The following LPP variants were observed in gnomAD, a reference collection of about 807,000 sequenced individuals.
LPP encodes the protein LIM domain containing preferred translocation partner in lipoma, also known as lipoma-preferred partner.
A neutral mutation model predicts 60.4 loss-of-function variants in LPP; 38 were observed. That is an observed-to-expected ratio of 0.63 (90% CI 0.49 to 0.83). The LOEUF is 0.83. Ranked by LOEUF, LPP falls within the 40% of genes least tolerant of loss-of-function variation. LPP has a pLI of 0.00. For missense variants in LPP, 902 were observed against 783.6 expected, an observed-to-expected ratio of 1.15 and a Z score of -1.80; for synonymous variants, 328 against 290.8, an observed-to-expected ratio of 1.13 and a Z score of -1.30.
chr3:188,363,052 A>G (rs566153816), intron 3 of LPP, among the ~76,000 whole-genome samples: 1 of 150,698 alleles, frequency 6.6e-6, no homozygotes, highest in South Asian at 2.1e-4. Flanking sequence ...TTTTTTTACA[A>G]CTGATGGGAA....
At chr3:188,818,003 C>G (rs1478230244) in intron 9 of LPP, among the ~76,000 whole-genome samples, 1 of 152,160 alleles carries the variant, frequency 6.6e-6, no homozygotes, top group African/African-American at 2.4e-5. Flanking sequence ...AGAGTGCAAG[C>G]ATGAGCAGAA....
At position 188,427,973 on chromosome 3, in the gene LPP, C is replaced by G. The variant is rs565567995; in HGVS notation, c.193+21660C>G. Among the ~76,000 whole-genome samples, 16 of 152,196 alleles carry G rather than the reference C, an allele frequency of 1.1e-4. 1 individual carries two copies. Among genetic ancestry groups the G allele is most frequent in the African/African-American group, 1.9e-4 (8 of 41,534 alleles). ...CCACTGGGGTATGAAAAAACAAAGT[C>G]CTGCAGCTAGCTCGGTGTCTGCCCA... On this transcript the variant is annotated intron_variant, in intron 4 of 11. Transcript: ENST00000617246.
intron 2 of LPP, among the ~76,000 whole-genome samples, chr3:188,241,005 A>C (rs1048132519): frequency 6.6e-6 from 1 of 152,180 alleles, no homozygotes; most frequent in Non-Finnish European, 1.5e-5. Flanking sequence ...CGGGGTATGT[A>C]TGCATAGTCT....
chr3:188,741,875 T>C (rs1724567537), intron 8 of LPP, among the ~76,000 whole-genome samples: 1 of 152,006 alleles, frequency 6.6e-6, no homozygotes, highest in African/African-American at 2.4e-5. Flanking sequence ...GGAGAAAATA[T>C]GTGTACAGTA....
chr3:188,472,677 G>A (rs1354253784), intron 4 of LPP: 1 of 152,150 alleles, frequency 6.6e-6, no homozygotes, highest in East Asian at 1.9e-4. Flanking sequence ...CTTGAAGCAA[G>A]AGAATGAGCC....
chr3:188,563,187 CAT>C (rs773823093), intron 6 of LPP, among the ~76,000 whole-genome samples: 3 of 152,082 alleles, frequency 2.0e-5, no homozygotes, highest in East Asian at 1.9e-4. Flanking sequence ...ACCAACCAAA[CAT>C]GTGTGCAGTA....
intron 7 of LPP, among the ~76,000 whole-genome samples, chr3:188,624,695 C>T (rs2151617635): frequency 6.7e-6 from 1 of 149,620 alleles, no homozygotes; most frequent in East Asian, 2.1e-4. Flanking sequence ...CCTTCCCTTC[C>T]CTTCCTTCCT....
chr3:188,328,848 G>C (rs1304948180), intron 2 of LPP, among the ~76,000 whole-genome samples: 1 of 152,068 alleles, frequency 6.6e-6, no homozygotes, highest in Admixed American at 6.6e-5. Context: ...GGTTTCTTTA[G>C]TAAAACCTAG....
intron 2 of LPP, among the ~76,000 whole-genome samples, chr3:188,320,615 G>A (rs1756649519): frequency 6.6e-6 from 1 of 152,216 alleles, no homozygotes; most frequent in African/African-American, 2.4e-5. Flanking sequence ...GCCATTCACT[G>A]TTCAGGACAG....
chr3:188,820,773 T>C (rs1753750186), intron 9 of LPP, among the ~76,000 whole-genome samples: 1 of 152,148 alleles, frequency 6.6e-6, no homozygotes. Context: ...TAACGTTAAC[T>C]CCGATAAGTC....
At chr3:188,780,604 G>T (rs749031084) in intron 9 of LPP, among the ~76,000 whole-genome samples, 16 of 152,276 alleles carry the variant, frequency 1.1e-4, no homozygotes, top group Admixed American at 2.0e-4. Flanking sequence ...TTTCTACTCA[G>T]TCTGGAATGT....
intron 2 of LPP, among the ~76,000 whole-genome samples, chr3:188,294,189 G>T (rs1435983133): frequency 6.6e-6 from 1 of 152,072 alleles, no homozygotes; most frequent in Admixed American, 6.6e-5. Context: ...TTGCCGGCAG[G>T]GTTGGGGTAG....
At chr3:188,458,139 C>G (rs1359033315) in intron 4 of LPP, among the ~76,000 whole-genome samples, 1 of 152,084 alleles carries the variant, frequency 6.6e-6, no homozygotes, top group Non-Finnish European at 1.5e-5. Flanking sequence ...AAATATGAAC[C>G]ACAGTGGTAC....
At chr3:188,340,165 G>C (rs1207946293) in intron 2 of LPP, among the ~76,000 whole-genome samples, 1 of 152,160 alleles carries the variant, frequency 6.6e-6, no homozygotes, top group Non-Finnish European at 1.5e-5. Context: ...AAGATACAGT[G>C]TTACATTTTT....
chr3:188,700,808 A>G (rs754911051), intron 7 of LPP, among the ~76,000 whole-genome samples: 12 of 152,220 alleles, frequency 7.9e-5, no homozygotes, highest in Non-Finnish European at 1.3e-4. Context: ...CTATTTTTAT[A>G]GACTACAAAG....
intron 6 of LPP, among the ~76,000 whole-genome samples, chr3:188,598,847 A>G (rs1026903065): frequency 2.6e-5 from 4 of 152,168 alleles, no homozygotes; most frequent in Non-Finnish European, 5.9e-5. Flanking sequence ...TACCAGTCAT[A>G]TAAAAACGCA....
intron 5 of LPP, among the ~76,000 whole-genome samples, chr3:188,496,650 G>A (rs757833159): frequency 1.3e-5 from 2 of 152,100 alleles, no homozygotes; most frequent in South Asian, 2.1e-4. Context: ...CATTGCCATC[G>A]CTGCTGTATT....
At chr3:188,669,086 T>C (rs1450020384) in intron 7 of LPP, among the ~76,000 whole-genome samples, 3 of 152,142 alleles carry the variant, frequency 2.0e-5, no homozygotes, top group Admixed American at 6.6e-5. Flanking sequence ...TGTGAACATA[T>C]GATTTTCAGA....
chr3:188,460,477 G>C (rs1391889503), intron 4 of LPP, among the ~76,000 whole-genome samples: 1 of 152,152 alleles, frequency 6.6e-6, no homozygotes, highest in East Asian at 1.9e-4. Context: ...AAACTTGACT[G>C]GTTCCAGGCG....
Sources: allele counts gnomAD v4.1 joint callset (sites outside exome capture counted in the v4.1 genomes callset), GRCh38; gene constraint gnomAD v4.1.1; transcripts MANE v1.5; gene names NCBI Gene and HGNC (gene_info 2026-07-23, HGNC 2026-07-21).